Variants in TTI1 observed in about 807,000 individuals in gnomAD.
The protein encoded by TTI1 is TELO2 interacting protein 1.
In TTI1, 52 loss-of-function variants were observed where a neutral mutation model predicts 85.4. The observed-to-expected ratio is 0.61, with a 90% confidence interval of 0.49 to 0.77. TTI1 has a LOEUF of 0.77. TTI1 is among the 30% of genes least tolerant of loss of function. The probability of loss-of-function intolerance (pLI) is 0.00; values close to 1 mark genes in which losing one functional copy is unlikely to be tolerated. For synonymous variants in TTI1, 512 were observed against 503.9 expected (o/e 1.02, Z -0.22); for missense variants, 1,173 against 1,296.0 (o/e 0.91, Z 1.46).
At chr20:37,986,648 T>A (rs866739156) in intron 7 of TTI1, among the ~76,000 whole-genome samples, 1 of 152,238 alleles carries the variant, frequency 6.6e-6, no homozygotes, top group African/African-American at 2.4e-5. Context: ...TGATCACACC[T>A]GGCCCACTCT....
chr20:38,001,635 G>A (rs1366041909), intron 4 of TTI1, among the ~76,000 whole-genome samples: 1 of 152,150 alleles, frequency 6.6e-6, no homozygotes, highest in African/African-American at 2.4e-5. Flanking sequence ...ATAATCTGTG[G>A]ATCAGGGTTT....
rs531024225 is a variant in TTI1 at position 37,996,657 on chromosome 20, G to C, written c.2998+92C>G. Reference sequence around the variant, plus strand: ...GACGGAAGGAGGTACACAGAGGGGAGGGGAGGGGGGCACGACTGAGCAGAG... The same window carrying C: ...GACGGAAGGAGGTACACAGAGGGGACGGGAGGGGGGCACGACTGAGCAGAG... On this transcript the variant is annotated intron_variant, in intron 6 of 7. Transcript: ENST00000373447. 1.5e-4 allele frequency: 226 copies of C among 1,465,940 alleles called. 1 individual carries two copies. In the African/African-American group the frequency reaches 2.9e-3, roughly 19 times the overall value. The allele number at this position is 1,465,940 out of a possible 1,614,324, so 90.8% of individuals were successfully genotyped here.
intron 3 of TTI1, among the ~76,000 whole-genome samples, chr20:38,004,548 G>T (rs1346241219): frequency 6.6e-6 from 1 of 152,208 alleles, no homozygotes; most frequent in Admixed American, 6.5e-5. Context: ...CTCATGTCAA[G>T]CCAGCACTGA....
At chr20:38,020,318 AAAAAAATATATATAT>A (rs2073746550) in intron 1 of TTI1, among the ~76,000 whole-genome samples, 1 of 84,170 alleles carries the variant, frequency 1.2e-5, no homozygotes, top group Non-Finnish European at 2.5e-5. Context: ...ATGAAAAAAA[AAAAAAATATATATAT>A]ATATATATAT....
chr20:37,994,183 G>T (rs532242068), intron 7 of TTI1, among the ~76,000 whole-genome samples: 1 of 152,284 alleles, frequency 6.6e-6, no homozygotes, highest in East Asian at 1.9e-4. Context: ...ACCTAGGCTG[G>T]AGTACAGTGG....
intron 7 of TTI1, among the ~76,000 whole-genome samples, chr20:37,991,752 T>A (rs1029093982): frequency 1.3e-5 from 2 of 152,204 alleles, no homozygotes; most frequent in Non-Finnish European, 2.9e-5. Context: ...GTACCCCACA[T>A]AGGTGTGTAC....
At chr20:38,017,212 A>G (rs1210016442) in intron 1 of TTI1, among the ~76,000 whole-genome samples, 2 of 152,236 alleles carry the variant, frequency 1.3e-5, no homozygotes, top group Non-Finnish European at 2.9e-5. Flanking sequence ...AAGCCCTCAA[A>G]AACATCTGTA....
In TTI1 at chr20:38,012,976, T is replaced by C; in HGVS notation, c.841A>G (p.Lys281Glu). The C allele has an allele frequency of 6.2e-7, 1 of 1,614,118 alleles. No homozygotes were observed. Among genetic ancestry groups the C allele is most frequent in the African/African-American group, 1.3e-5 (1 of 75,068 alleles). Residue 281 changes from lysine to glutamate, a missense_variant, in exon 2 of 8, where the codon AAA (lysine) becomes GAA (glutamate). By Grantham distance (56) the Lys-to-Glu change is moderately conservative. Coordinates refer to ENST00000373447, the MANE Select transcript of TTI1 (RefSeq NM_001303457.2). ...ATAGTCAACTTGTCGCCAGTCTTTT[T>C]TACCCAATCTGCTTCCCTGTAAACC... ...LMVYREADWV[K>E]KTGDKLTILI... is the part of the protein sequence containing the mutation.
chr20:38,003,410 A>G (rs1320421986), intron 3 of TTI1, among the ~76,000 whole-genome samples: 2 of 152,242 alleles, frequency 1.3e-5, no homozygotes, highest in Non-Finnish European at 2.9e-5. Flanking sequence ...ATTAAAAGTG[A>G]CAGGGTAATG....
chr20:38,012,824 G>A lies in TTI1; in HGVS notation c.993C>T (p.Pro331=). Residue 331 remains proline (P), a synonymous_variant, in exon 2 of 8, where the codon CCC becomes CCT. Transcript: ENST00000373447. ...CTAGTCCCACTAAGGCCTTCAGAAGGGGACCAGCACATTCGACCAATGATT... is the reference window on the plus strand; with the variant it reads ...CTAGTCCCACTAAGGCCTTCAGAAGAGGACCAGCACATTCGACCAATGATT... ...CSQSLVECAG[P]LLKALVGLVN... is the part of the protein sequence containing the mutation. The A allele has an allele frequency of 6.2e-7, 1 of 1,614,140 alleles. No homozygotes were observed. The highest frequency in any genetic ancestry group is 2.2e-5 in the East Asian group (1 of 44,890).
intron 1 of TTI1, among the ~76,000 whole-genome samples, chr20:38,019,689 A>G (rs1444884750): frequency 6.6e-6 from 1 of 152,264 alleles, no homozygotes; most frequent in Non-Finnish European, 1.5e-5. Context: ...GGCAGACAGA[A>G]GTCTGAAGTA....
chr20:38,011,826 G>A lies in TTI1; in HGVS notation c.1991C>T (p.Thr664Ile), dbSNP rs1446559633. The part of the protein sequence containing the change: ...YPVLEKAGDQ[T>I]LLISQVATST... Reference sequence around the variant, plus strand: ...GGTAGCCACCTGACTAATGAGTAGGGTTTGGTCTCCAGCCTTCTCCAGTAC... The same window carrying A: ...GGTAGCCACCTGACTAATGAGTAGGATTTGGTCTCCAGCCTTCTCCAGTAC... Residue 664 changes from threonine (T) to isoleucine (I), a missense_variant, in exon 2 of 8, where the codon ACC becomes ATC. Thr to Ile is a moderately conservative substitution (Grantham distance 89, BLOSUM62 -1). Transcript: ENST00000373447. 6.2e-7 allele frequency: 1 copy of A among 1,614,208 alleles called. No individual in the cohort carries two copies. The highest frequency in any genetic ancestry group is 1.1e-5 in the South Asian group (1 of 91,084).
chr20:38,018,876 T>G (rs1408115847), intron 1 of TTI1: 2 of 151,862 alleles, frequency 1.3e-5, no homozygotes, highest in Middle Eastern at 3.4e-3. Flanking sequence ...AGGCTGGGCA[T>G]GGGTGGCTCA....
At chr20:38,020,802 T>C (rs1166267110) in intron 1 of TTI1, among the ~76,000 whole-genome samples, 1 of 152,152 alleles carries the variant, frequency 6.6e-6, no homozygotes, top group Non-Finnish European at 1.5e-5. Context: ...TGAAATATCA[T>C]TACACATCCA....
At chr20:38,009,014 G>A (rs1201085774) in intron 2 of TTI1, among the ~76,000 whole-genome samples, 1 of 151,656 alleles carries the variant, frequency 6.6e-6, no homozygotes, top group Non-Finnish European at 1.5e-5. Context: ...AAGCTACACA[G>A]GAGTCTTGAC....
intron 2 of TTI1, 71 bp downstream of exon 2, chr20:38,011,444 C>A (rs1411337927): frequency 1.2e-5 from 18 of 1,526,878 alleles, no homozygotes; most frequent in East Asian, 2.3e-5. Flanking sequence ...ATGCAAAAAA[C>A]GAGGCTAAGC....
At chr20:38,016,648 C>T (rs1413566033) in intron 1 of TTI1, among the ~76,000 whole-genome samples, 1 of 152,182 alleles carries the variant, frequency 6.6e-6, no homozygotes, top group Non-Finnish European at 1.5e-5. Context: ...ATCAATTCCA[C>T]CCCTTTGACA....
intron 1 of TTI1, 110 bp downstream of exon 1, chr20:38,033,294 C>T (rs930443764): frequency 1.3e-5 from 2 of 152,386 alleles, no homozygotes; most frequent in Admixed American, 1.3e-4. Context: ...AAAGGAAATC[C>T]CCCTCCCATA....
intron 1 of TTI1, among the ~76,000 whole-genome samples, chr20:38,032,706 G>C (rs994703835): frequency 1.3e-5 from 2 of 152,164 alleles, no homozygotes; most frequent in African/African-American, 2.4e-5. Context: ...CGCGTAGCTG[G>C]AACTGCAGGT....
Sources: gnomAD v4.1 joint callset for allele counts (sites outside exome capture counted in the v4.1 genomes callset) on GRCh38, gnomAD v4.1.1 for gene constraint, MANE v1.5 for transcripts, NCBI Gene and HGNC (gene_info 2026-07-23, HGNC 2026-07-21) for gene names.